The following ALOX5 variants were observed in gnomAD, a reference collection of about 807,000 sequenced individuals.
The protein encoded by ALOX5 is polyunsaturated fatty acid 5-lipoxygenase.
ALOX5 carries 64 observed loss-of-function variants against 87.9 expected under a neutral mutation model. The ratio of observed to expected loss-of-function variants is 0.73; its 90% CI spans 0.60 to 0.90. ALOX5 has a LOEUF of 0.90. Among genes scored for constraint, ALOX5 ranks in the 40% least tolerant of loss-of-function variants. ALOX5 has a pLI of 0.00. For synonymous variants in ALOX5, 388 were observed against 355.1 expected, an observed-to-expected ratio of 1.09 and a Z score of -1.04; for missense variants, 822 against 907.5, an observed-to-expected ratio of 0.91 and a Z score of 1.21.
At chr10:45,407,785 C>A (rs140476687) in intron 3 of ALOX5, among the ~76,000 whole-genome samples, 54 of 152,208 alleles carry the variant, frequency 3.5e-4, no homozygotes, top group African/African-American at 1.3e-3. Context: ...TGGGTGACTG[C>A]ACTTGTAAAG....
At chr10:45,403,259 G>T (rs1260909156) in intron 3 of ALOX5, among the ~76,000 whole-genome samples, 1 of 152,156 alleles carries the variant, frequency 6.6e-6, no homozygotes, top group African/African-American at 2.4e-5. Flanking sequence ...AATTGTCAAG[G>T]AAAATTCTAC....
chr10:45,417,489 G>A (rs1841338653), intron 4 of ALOX5, among the ~76,000 whole-genome samples: 1 of 152,148 alleles, frequency 6.6e-6, no homozygotes, highest in Non-Finnish European at 1.5e-5. Context: ...TGGGTCCCAG[G>A]GAGTGCCTCC....
intron 3 of ALOX5, among the ~76,000 whole-genome samples, chr10:45,404,162 C>T (rs767175116): frequency 3.0e-4 from 45 of 152,164 alleles, no homozygotes; most frequent in Admixed American, 5.2e-4. Context: ...TAGATTTAAT[C>T]ATTTTTTTCT....
rs1242104682 is a variant in ALOX5, at chr10:45,425,440, T to C, written c.834+308T>C. On this transcript the variant is annotated intron_variant, in intron 6 of 13. Coordinates refer to ENST00000374391, the MANE Select transcript of ALOX5 (RefSeq NM_000698.5). This position sits in a 1 kb window ranked among gnomAD's most constrained non-coding sequence, Gnocchi z 4.4. ...GGAGCTACCCTTGATTAGGGGCCTG[T>C]GGTGGGACAGGCATTGTGACAGGTG... is the stretch of plus-strand genomic sequence containing the variant. Among the ~76,000 whole-genome samples, 2 of 152,196 alleles carry C rather than the reference T, an allele frequency of 1.3e-5. No individual in the cohort carries two copies. The highest frequency in any genetic ancestry group is 3.8e-4 in the East Asian group (2 of 5,200).
At chr10:45,386,837 G>C (rs1331862825) in intron 2 of ALOX5, among the ~76,000 whole-genome samples, 1 of 152,124 alleles carries the variant, frequency 6.6e-6, no homozygotes, top group Non-Finnish European at 1.5e-5. Flanking sequence ...GAGTGGTCAT[G>C]ATATGACCTC....
chr10:45,412,289 A>C lies in ALOX5; in HGVS notation c.530A>C (p.Asp177Ala). Residue 177 changes from aspartate (D) to alanine (A), a missense_variant, in exon 4 of 14, where the codon GAC becomes GCC. Coordinates refer to ENST00000374391, the MANE Select transcript of ALOX5 (RefSeq NM_000698.5). ...CAGTTTGATAGTGAAAAAGGAGTGG[A>C]CTTTGTTCTGAATTACTCCAAAGCG... Reference protein sequence around the residue: ...DIQFDSEKGVDFVLNYSKAME... With the variant: ...DIQFDSEKGVAFVLNYSKAME... 3 of 1,614,140 alleles carry C rather than the reference A, an allele frequency of 1.9e-6. No homozygotes were observed. The East Asian group carries it at 6.7e-5, about 36-fold the overall frequency.
At position 45,445,528 on chromosome 10, in the gene ALOX5, A is replaced by T. The variant is rs201500259; in HGVS notation, c.1866A>T (p.Pro622=). The change falls in exon 14 of 14, where the codon CCA becomes CCT. Residue 622 remains proline (P), a synonymous_variant. Transcript: ENST00000374391. ...CTCAGCTGTTCCTGGGCATGTACCC[A>T]GAAGAGCATTTTATCGAGAAGCCTG... ...QENELFLGMY[P]EEHFIEKPVK... is the part of the protein sequence containing the mutation. 10 of 1,614,084 alleles carry T rather than the reference A, an allele frequency of 6.2e-6. No homozygotes were observed. The Admixed American group carries it at 8.3e-5, about 13-fold the overall frequency.
intron 1 of ALOX5, among the ~76,000 whole-genome samples, chr10:45,381,138 G>A (rs1211827164): frequency 2.0e-5 from 3 of 152,232 alleles, no homozygotes. Context: ...CAGGAGCCTG[G>A]CAGGGAGGGG....
At chr10:45,397,165 G>T (rs1030293295) in intron 3 of ALOX5, among the ~76,000 whole-genome samples, 17 of 152,166 alleles carry the variant, frequency 1.1e-4, no homozygotes, top group Admixed American at 7.9e-4. Context: ...GGTGGATCAC[G>T]ATGTCAAGAG....
At chr10:45,383,185 G>A (rs1384478771) in intron 2 of ALOX5, among the ~76,000 whole-genome samples, 2 of 152,262 alleles carry the variant, frequency 1.3e-5, no homozygotes, top group African/African-American at 2.4e-5. Context: ...GGACAAGCCT[G>A]CAAATCACAG....
intron 1 of ALOX5, among the ~76,000 whole-genome samples, chr10:45,380,840 A>T (rs1428064626): frequency 6.6e-6 from 1 of 152,094 alleles, no homozygotes; most frequent in Non-Finnish European, 1.5e-5. Context: ...TACTTGGGAG[A>T]CTGAGGCAGG....
Position 45,445,572 on chromosome 10 carries a change from G to A in ALOX5, c.1910G>A (p.Arg637Gln), listed in dbSNP as rs756201127. The change falls in exon 14 of 14, where the codon CGA becomes CAA. Residue 637 changes from arginine (R) to glutamine (Q), a missense_variant. Coordinates refer to ENST00000374391, the MANE Select transcript of ALOX5 (RefSeq NM_000698.5). ...IEKPVKEAMARFRKNLEAIVS... is the reference protein window; with the variant it reads ...IEKPVKEAMAQFRKNLEAIVS... ...AAGCCTGTGAAGGAAGCCATGGCCC[G>A]ATTCCGCAAGAACCTCGAGGCCATT... is the stretch of plus-strand genomic sequence containing the variant. The A allele has an allele frequency of 1.1e-5, 18 of 1,614,026 alleles. No individual in the cohort carries two copies. In the Middle Eastern group the frequency reaches 4.9e-4, roughly 44 times the overall value.
At chr10:45,389,789 T>C (rs1840144414) in intron 2 of ALOX5, among the ~76,000 whole-genome samples, 1 of 152,200 alleles carries the variant, frequency 6.6e-6, no homozygotes, top group Non-Finnish European at 1.5e-5. Context: ...CATCAACTAA[T>C]GAGCAAAATA....
intron 3 of ALOX5, among the ~76,000 whole-genome samples, chr10:45,407,751 A>C (rs1199893625): frequency 6.6e-6 from 1 of 152,218 alleles, no homozygotes; most frequent in Non-Finnish European, 1.5e-5. Context: ...GCAGGGGAAC[A>C]ATCAGATATG....
chr10:45,397,161 T>A (rs900766857), intron 3 of ALOX5, among the ~76,000 whole-genome samples: 40 of 152,272 alleles, frequency 2.6e-4, no homozygotes, highest in African/African-American at 9.6e-4. Context: ...GGCGGGTGGA[T>A]CACGATGTCA....
At chr10:45,393,445 G>A (rs1182387834) in intron 2 of ALOX5, among the ~76,000 whole-genome samples, 6 of 152,066 alleles carry the variant, frequency 3.9e-5, no homozygotes, top group Non-Finnish European at 8.8e-5. Context: ...GTATTGATGG[G>A]ACGTATCTCA....
At chr10:45,403,597 A>G (rs1840777702) in intron 3 of ALOX5, among the ~76,000 whole-genome samples, 2 of 152,208 alleles carry the variant, frequency 1.3e-5, no homozygotes, top group African/African-American at 4.8e-5. Context: ...GCATATATAC[A>G]TATCCATACA....
In ALOX5 at chr10:45,415,449, G is replaced by A. The variant is rs554585788; in HGVS notation, c.554+3136G>A. 2.5e-3 allele frequency among the ~76,000 whole-genome samples: 388 copies of A among 152,242 alleles called. 2 individuals are homozygous for A. Among genetic ancestry groups the A allele is most frequent in the Non-Finnish European group, 2.4e-3 (161 of 68,008 alleles). ...AGGGCCTGTCATGGGGTGGGGAGAG[G>A]GGGGAGGGATAGCATTAGGAGATAT... On this transcript the variant is annotated intron_variant, in intron 4 of 13. Transcript: ENST00000374391.
intron 1 of ALOX5, among the ~76,000 whole-genome samples, chr10:45,374,719 G>T (rs1839529117): frequency 6.6e-6 from 1 of 152,226 alleles, no homozygotes; most frequent in South Asian, 2.1e-4. Context: ...TCTTCCCTGG[G>T]AGGAGAAGGC....
Sources: allele counts gnomAD v4.1 joint callset (sites outside exome capture counted in the v4.1 genomes callset), GRCh38; gene constraint gnomAD v4.1.1; non-coding constraint Gnocchi (gnomAD v3.1); transcripts MANE v1.5; gene names NCBI Gene and HGNC (gene_info 2026-07-23, HGNC 2026-07-21).